Variants in IWS1 observed in about 807,000 individuals in gnomAD.
IWS1 encodes the protein protein IWS1 homolog.
IWS1 carries 27 observed loss-of-function variants against 86.7 expected under a neutral mutation model. The ratio of observed to expected loss-of-function variants is 0.31; its 90% CI spans 0.23 to 0.43. The LOEUF is 0.43. IWS1 is among the 20% of genes least tolerant of loss of function. The pLI, the probability that IWS1 is intolerant of heterozygous loss-of-function variation, is 1.00. For missense variants in IWS1, 827 were observed against 1,000.8 expected (o/e 0.83, Z 2.34); for synonymous variants, 313 against 335.1 (o/e 0.93, Z 0.72).
At position 127,480,920 on chromosome 2, in the gene IWS1, GACA is replaced by G; in HGVS notation, c.*121_*123del. On this transcript the variant is annotated 3_prime_UTR_variant, in exon 14 of 14. Transcript: ENST00000295321. Reference sequence around the variant, plus strand: ...TAACTGAGAGAAATGTGAGTCCTATGACAACATCTGATACACGCTGAACCATTT... The same window carrying G: ...TAACTGAGAGAAATGTGAGTCCTATGACATCTGATACACGCTGAACCATTT... 1 of 1,051,240 alleles carries G rather than the reference GACA, an allele frequency of 9.5e-7. No individual in the cohort carries two copies. Among genetic ancestry groups the G allele is most frequent in the South Asian group, 1.8e-5 (1 of 55,994 alleles). The allele number at this position is 1,051,240 out of a possible 1,614,324, so 65.1% of individuals were successfully genotyped here.
At chr2:127,523,000 A>T (rs184181986) in intron 2 of IWS1, among the ~76,000 whole-genome samples, 116 of 152,332 alleles carry the variant, frequency 7.6e-4, no homozygotes, top group African/African-American at 2.8e-3. Context: ...ACTTGAGGTC[A>T]GGAGTTTGAG....
chr2:127,501,125 C>T (rs983437730), intron 5 of IWS1, among the ~76,000 whole-genome samples: 1 of 152,178 alleles, frequency 6.6e-6, no homozygotes, highest in African/African-American at 2.4e-5. Context: ...GCATCTCTAA[C>T]CTTCCATCTG....
intron 8 of IWS1, among the ~76,000 whole-genome samples, chr2:127,493,716 T>TAAAAA: frequency 7.8e-6 from 1 of 127,506 alleles, no homozygotes; most frequent in East Asian, 2.3e-4. Context: ...TCTTTTCAAC[T>TAAAAA]AAAAAAAAAA....
At chr2:127,517,288 G>A (rs1691827870) in intron 2 of IWS1, among the ~76,000 whole-genome samples, 1 of 152,114 alleles carries the variant, frequency 6.6e-6, no homozygotes, top group Admixed American at 6.5e-5. Context: ...ACCCAGATTG[G>A]CTAAAAGAAT....
intron 2 of IWS1, among the ~76,000 whole-genome samples, chr2:127,522,881 C>T (rs895693504): frequency 6.6e-6 from 1 of 152,200 alleles, no homozygotes; most frequent in Non-Finnish European, 1.5e-5. Context: ...AAACCCAATA[C>T]TATTACATAT....
chr2:127,496,294 G>T, intron 6 of IWS1, 146 bp from the exon 7 acceptor site: 1 of 860,512 alleles, frequency 1.2e-6, no homozygotes, highest in Non-Finnish European at 1.7e-6. Context: ...GTCATGCGCC[G>T]CATAACGATG....
At position 127,525,466 on chromosome 2, in the gene IWS1, T is replaced by C. The variant is rs1009527276; in HGVS notation, c.34+709A>G. On this transcript the variant is annotated intron_variant, in intron 1 of 13. Transcript: ENST00000295321. ...TTATTTATGGTGTATTTAAGAACTT[T>C]TGTAACAGAACGCCCCAACAGGACT... Among the ~76,000 whole-genome samples, 5 of 152,170 alleles carry C rather than the reference T, an allele frequency of 3.3e-5. No homozygotes were observed. In the South Asian group the frequency reaches 1.0e-3, roughly 32 times the overall value.
intron 2 of IWS1, among the ~76,000 whole-genome samples, chr2:127,522,974 C>A (rs1333368194): frequency 6.6e-6 from 1 of 152,180 alleles, no homozygotes. Context: ...CTTTGAGAGG[C>A]TGAGGTGGGC....
chr2:127,483,467 A>G (rs1689742288), intron 13 of IWS1, among the ~76,000 whole-genome samples: 1 of 151,770 alleles, frequency 6.6e-6, no homozygotes, highest in African/African-American at 2.4e-5. Flanking sequence ...ACATAATAAA[A>G]AAAAAAGCAA....
intron 5 of IWS1, among the ~76,000 whole-genome samples, chr2:127,501,334 A>AT (rs201079459): frequency 6.6e-6 from 1 of 151,472 alleles, no homozygotes; most frequent in Admixed American, 6.6e-5. Flanking sequence ...TTCTGAACGT[A>AT]TTTTTTTTCC....
chr2:127,524,753 G>C (rs897592856), intron 1 of IWS1, among the ~76,000 whole-genome samples: 1 of 151,934 alleles, frequency 6.6e-6, no homozygotes, highest in East Asian at 1.9e-4. Flanking sequence ...ACGTTGGCCA[G>C]GCTGGTCTCA....
At chr2:127,510,411 T>C (rs1429220281) in intron 2 of IWS1, among the ~76,000 whole-genome samples, 1 of 152,142 alleles carries the variant, frequency 6.6e-6, no homozygotes, top group Non-Finnish European at 1.5e-5. Flanking sequence ...TGGTTGATCT[T>C]AGAATAAGAG....
intron 13 of IWS1, among the ~76,000 whole-genome samples, chr2:127,483,289 A>G (rs1394278244): frequency 1.3e-5 from 2 of 152,140 alleles, no homozygotes; most frequent in Non-Finnish European, 2.9e-5. Flanking sequence ...TACATTATTT[A>G]GGAGTAAAAA....
At chr2:127,496,447 A>T (rs1038025166) in intron 6 of IWS1, among the ~76,000 whole-genome samples, 2 of 152,070 alleles carry the variant, frequency 1.3e-5, no homozygotes. Context: ...AGTGTACAGT[A>T]ATGTCCCAGG....
chr2:127,491,307 T>G (rs1573511244), intron 10 of IWS1, among the ~76,000 whole-genome samples: 1 of 152,192 alleles, frequency 6.6e-6, no homozygotes, highest in East Asian at 1.9e-4. Context: ...CACAAATCAC[T>G]AGCTAAGGAA....
chr2:127,512,798 C>A lies in IWS1; in HGVS notation c.151-7046G>T, dbSNP rs114232208. On this transcript the variant is annotated intron_variant, in intron 2 of 13. Coordinates refer to ENST00000295321, the MANE Select transcript of IWS1 (RefSeq NM_017969.3). ...TAGGTCTGCCGCACCCACATGGATA[C>A]CTTAAAGTTTTAAGTTTGCATTGCT... is the stretch of plus-strand genomic sequence containing the variant. Among the ~76,000 whole-genome samples the A allele has an allele frequency of 7.7e-3, 1,175 of 152,276 alleles. 19 individuals carry two copies. Among genetic ancestry groups the A allele is most frequent in the African/African-American group, 0.027 (1,116 of 41,540 alleles).
intron 2 of IWS1, among the ~76,000 whole-genome samples, chr2:127,522,522 C>T (rs1223011412): frequency 6.6e-6 from 1 of 152,166 alleles, no homozygotes; most frequent in Non-Finnish European, 1.5e-5. Flanking sequence ...TCCAAAGCAC[C>T]TGCAAAAAGT....
At chr2:127,492,494 C>T (rs199562288) in intron 9 of IWS1, among the ~76,000 whole-genome samples, 2 of 151,218 alleles carry the variant, frequency 1.3e-5, no homozygotes. Context: ...TGAAGTGAGC[C>T]GAGGTGGTGC....
intron 5 of IWS1, among the ~76,000 whole-genome samples, chr2:127,501,378 T>C (rs536310353): frequency 6.7e-4 from 102 of 152,308 alleles, no homozygotes; most frequent in Non-Finnish European, 1.3e-3. Context: ...CTATTTTCGT[T>C]GGTTTCTTGC....
Sources: gnomAD v4.1 joint callset for allele counts (sites outside exome capture counted in the v4.1 genomes callset) on GRCh38, gnomAD v4.1.1 for gene constraint, MANE v1.5 for transcripts, NCBI Gene and HGNC (gene_info 2026-07-23, HGNC 2026-07-21) for gene names.